The following SMYD2 variants were observed in gnomAD, a reference collection of about 807,000 sequenced individuals.
The protein encoded by SMYD2 is N-lysine methyltransferase SMYD2.
A neutral mutation model predicts 59.1 loss-of-function variants in SMYD2; 53 were observed. That is an observed-to-expected ratio of 0.90 (90% CI 0.72 to 1.13). SMYD2 has a LOEUF of 1.13. SMYD2 is among the 50% of genes most tolerant of loss of function. The pLI is 0.00. For synonymous variants in SMYD2, 208 were observed against 198.8 expected, an observed-to-expected ratio of 1.05 and a Z score of -0.39; for missense variants, 494 against 544.7, an observed-to-expected ratio of 0.91 and a Z score of 0.93.
At chr1:214,284,527 C>T (rs1256802582) in intron 1 of SMYD2, among the ~76,000 whole-genome samples, 3 of 149,882 alleles carry the variant, frequency 2.0e-5, no homozygotes, top group East Asian at 2.0e-4. Context: ...TGAGCCACTG[C>T]GCCGGGCCAA....
chr1:214,329,032 G>A (rs116279916), intron 7 of SMYD2, among the ~76,000 whole-genome samples: 2,315 of 152,302 alleles, frequency 0.015, 39 homozygotes, highest in African/African-American at 0.041. Context: ...GCTTCCGCAT[G>A]TTGCACTGTG....
In SMYD2 at chr1:214,284,907, C is replaced by T. The variant is rs146980659; in HGVS notation, c.173+3480C>T. 2.7e-3 allele frequency among the ~76,000 whole-genome samples: 418 copies of T among 152,310 alleles called. 3 individuals are homozygous for T. Among genetic ancestry groups the T allele is most frequent in the African/African-American group, 9.6e-3 (400 of 41,574 alleles). On this transcript the variant is annotated intron_variant, in intron 1 of 11. Coordinates refer to ENST00000366957, the MANE Select transcript of SMYD2 (RefSeq NM_020197.3). ...CCATCTAAATATTCATTCTATGTGC[C>T]ATTCTTCAGGTAGGCAGATCTTTTG...
At chr1:214,319,034 G>C in intron 5 of SMYD2, 51 bp downstream of exon 5, 1 of 1,597,556 alleles carries the variant, frequency 6.3e-7, no homozygotes, top group Non-Finnish European at 8.5e-7. Flanking sequence ...CCCTCTCCAA[G>C]GCCCTCTCCC....
At chr1:214,331,864 A>G in intron 9 of SMYD2, 154 bp from the exon 10 acceptor site, 1 of 678,576 alleles carries the variant, frequency 1.5e-6, no homozygotes, top group South Asian at 2.1e-5. Context: ...TTCTGGAGAA[A>G]TGTAATTCCT....
chr1:214,323,609 T>G (rs1218154615), intron 5 of SMYD2, among the ~76,000 whole-genome samples: 1 of 151,912 alleles, frequency 6.6e-6, no homozygotes, highest in Non-Finnish European at 1.5e-5. Flanking sequence ...TCCAGCTAAT[T>G]TTTGTATTTT....
At chr1:214,330,853 C>T in intron 8 of SMYD2, 97 bp from the exon 9 acceptor site, 12 of 1,567,500 alleles carry the variant, frequency 7.7e-6, no homozygotes, top group South Asian at 1.2e-5. Flanking sequence ...GGGCCAGTGT[C>T]GACCGCTGTG....
rs189365856 is a variant in SMYD2 at position 214,298,285 on chromosome 1, C to T, written c.174-6902C>T. ...GTCATCTAATCTTTGACAAAGTCAA[C>T]AGAAATAAGCAATGGGGAAAGGACT... is the stretch of plus-strand genomic sequence containing the variant. On this transcript the variant is annotated intron_variant, in intron 1 of 11. Coordinates refer to ENST00000366957, the MANE Select transcript of SMYD2 (RefSeq NM_020197.3). 2.6e-5 allele frequency among the ~76,000 whole-genome samples: 4 copies of T among 152,130 alleles called. No homozygotes were observed. The East Asian group carries it at 7.7e-4, about 29-fold the overall frequency.
intron 3 of SMYD2, among the ~76,000 whole-genome samples, chr1:214,315,611 A>G (rs1657073985): frequency 6.6e-6 from 1 of 152,214 alleles, no homozygotes; most frequent in Non-Finnish European, 1.5e-5. Context: ...CCAGTTTATT[A>G]GAAACATTTA....
intron 1 of SMYD2, among the ~76,000 whole-genome samples, chr1:214,286,879 C>T (rs975597575): frequency 2.9e-5 from 4 of 138,036 alleles, no homozygotes; most frequent in Non-Finnish European, 4.6e-5. Flanking sequence ...GAGATGGAGT[C>T]TCACTCTGTC....
chr1:214,332,913 G>C (rs966485342), intron 10 of SMYD2: 12 of 152,286 alleles, frequency 7.9e-5, no homozygotes, highest in African/African-American at 2.9e-4. Flanking sequence ...CCAACACCAA[G>C]TGGGCCAAGT....
At chr1:214,291,812 C>T (rs1020991892) in intron 1 of SMYD2, among the ~76,000 whole-genome samples, 1 of 151,996 alleles carries the variant, frequency 6.6e-6, no homozygotes, top group Non-Finnish European at 1.5e-5. Context: ...GGCAACATCC[C>T]TATGTTGGTT....
At chr1:214,315,055 C>T (rs1321587760) in intron 3 of SMYD2, among the ~76,000 whole-genome samples, 183 bp downstream of exon 3, 1 of 152,056 alleles carries the variant, frequency 6.6e-6, no homozygotes, top group Non-Finnish European at 1.5e-5. Context: ...AGTTGTGTGC[C>T]CTGTGCAATT....
In SMYD2 at chr1:214,281,445, G is replaced by A; in HGVS notation, c.173+18G>A. ...TTCACCAGGTAGGGCGGCGGCGGCG[G>A]CGGCGGCGGGCGGGAGCCGGGGGCG... On this transcript the variant is annotated intron_variant, in intron 1 of 11. Coordinates refer to ENST00000366957, the MANE Select transcript of SMYD2 (RefSeq NM_020197.3). 1 of 1,388,354 alleles carries A rather than the reference G, an allele frequency of 7.2e-7. No homozygotes were observed. Among genetic ancestry groups the A allele is most frequent in the Non-Finnish European group, 9.4e-7 (1 of 1,067,290 alleles). 86.0% of individuals were successfully genotyped at this position (1,388,354 alleles called of 1,614,324 possible).
At chr1:214,304,492 G>A (rs6662864) in intron 1 of SMYD2, among the ~76,000 whole-genome samples, 77,347 of 147,462 alleles carry the variant, frequency 0.52, 20,929 homozygotes, top group African/African-American at 0.68. Context: ...CCGGGAAGTC[G>A]AAGCTGTAGT....
At chr1:214,313,511 C>T (rs1158617505) in intron 2 of SMYD2, among the ~76,000 whole-genome samples, 1 of 149,222 alleles carries the variant, frequency 6.7e-6, no homozygotes, top group African/African-American at 2.5e-5. Context: ...TATTTCCCAT[C>T]TAAAAAAAAA....
chr1:214,300,365 A>T (rs1261580628), intron 1 of SMYD2, among the ~76,000 whole-genome samples: 3 of 152,188 alleles, frequency 2.0e-5, no homozygotes, highest in African/African-American at 7.2e-5. Context: ...CTATGTACAC[A>T]ATAAATACAT....
At chr1:214,303,442 T>G (rs1006841410) in intron 1 of SMYD2, among the ~76,000 whole-genome samples, 2 of 152,280 alleles carry the variant, frequency 1.3e-5, no homozygotes, top group Middle Eastern at 3.4e-3. Flanking sequence ...GTTCAGTCCC[T>G]TCAGATATAC....
chr1:214,292,553 C>T (rs74858358), intron 1 of SMYD2, among the ~76,000 whole-genome samples: 1 of 152,308 alleles, frequency 6.6e-6, no homozygotes, highest in Non-Finnish European at 1.5e-5. Flanking sequence ...AGACTAGCCT[C>T]TGTTACTGCA....
At chr1:214,283,454 C>G (rs1212733958) in intron 1 of SMYD2, among the ~76,000 whole-genome samples, 1 of 152,080 alleles carries the variant, frequency 6.6e-6, no homozygotes, top group Non-Finnish European at 1.5e-5. Flanking sequence ...CTCTCTCTCC[C>G]CAAAGAATTA....
Sources: allele counts gnomAD v4.1 joint callset (sites outside exome capture counted in the v4.1 genomes callset), GRCh38; gene constraint gnomAD v4.1.1; transcripts MANE v1.5; gene names NCBI Gene and HGNC (gene_info 2026-07-23, HGNC 2026-07-21).